CLMN: variants seen among roughly 807,000 people sequenced by gnomAD.
CLMN encodes calmin, also known as calmin (calponin-like, transmembrane).
Under a neutral mutation model 92.7 loss-of-function variants are expected in CLMN, and 57 were observed. That is an observed-to-expected ratio of 0.61 (90% CI 0.50 to 0.77). The LOEUF (loss-of-function observed/expected upper bound fraction) is 0.77, where lower values mean the gene tolerates loss of function less well. Ranked by LOEUF, CLMN falls within the 30% of genes least tolerant of loss-of-function variation. CLMN has a pLI of 0.00. For synonymous variants in CLMN, 466 were observed against 470.6 expected, an observed-to-expected ratio of 0.99 and a Z score of 0.13; for missense variants, 1,158 against 1,237.5, an observed-to-expected ratio of 0.94 and a Z score of 0.96.
chr14:95,315,018 C>T (rs941831921), intron 1 of CLMN, among the ~76,000 whole-genome samples: 11 of 152,194 alleles, frequency 7.2e-5, no homozygotes, highest in African/African-American at 2.4e-4. Context: ...GGCTCCATCC[C>T]TTCTCTGGCT....
rs1896631676 is a variant in CLMN at position 95,194,091 on chromosome 14, A to G, written c.2770-172T>C. On this transcript the variant is annotated intron_variant, in intron 11 of 12. Coordinates refer to ENST00000298912, the MANE Select transcript of CLMN (RefSeq NM_024734.4). The surrounding 1 kb of genome is among the most constrained non-coding windows in gnomAD (Gnocchi z 4.0). Reference sequence around the variant, plus strand: ...AGTGCTAAACAATATACATTCCTCTACCTCCTCCCCTAAGCCCCTCCCTTG... The same window carrying G: ...AGTGCTAAACAATATACATTCCTCTGCCTCCTCCCCTAAGCCCCTCCCTTG... 7.0e-7 allele frequency: 1 copy of G among 1,428,252 alleles called. No individual in the cohort carries two copies. The highest frequency in any genetic ancestry group is 1.4e-5 in the African/African-American group (1 of 69,452). The allele number at this position is 1,428,252 out of a possible 1,614,324, so 88.5% of individuals were successfully genotyped here.
intron 1 of CLMN, among the ~76,000 whole-genome samples, chr14:95,315,433 C>T (rs558175216): frequency 1.1e-3 from 165 of 152,264 alleles, no homozygotes; most frequent in Middle Eastern, 0.01. Flanking sequence ...ACAACATGCT[C>T]GAGTGGCTGG....
chr14:95,307,539 C>T (rs1901337382), intron 1 of CLMN: 1 of 152,328 alleles, frequency 6.6e-6, no homozygotes, highest in South Asian at 2.1e-4. Context: ...TGTCTCTGTC[C>T]CCTACGGGTC....
chr14:95,191,440 G>A lies in CLMN; in HGVS notation c.*124C>T, dbSNP rs1896557732. The A allele has an allele frequency of 1.7e-6, 1 of 586,584 alleles. No homozygotes were observed. The highest frequency in any genetic ancestry group is 3.6e-5 in the Admixed American group (1 of 27,824). The allele number at this position is 586,584 out of a possible 1,614,324, so 36.3% of individuals were successfully genotyped here. A position where few individuals can be genotyped will look rare whatever the true frequency, so the allele number is the denominator to read the frequency against. On this transcript the variant is annotated 3_prime_UTR_variant, in exon 13 of 13. Transcript: ENST00000298912. This position sits in a 1 kb window ranked among gnomAD's most constrained non-coding sequence, Gnocchi z 5.3. ...AAAAAAACCACAATAGCGAGAAAGG[G>A]GGTCTAAGTTTCCTCGGAGGTCCTC...
intron 1 of CLMN, among the ~76,000 whole-genome samples, chr14:95,289,594 A>C (rs1289540591): frequency 6.6e-6 from 1 of 152,194 alleles, no homozygotes; most frequent in African/African-American, 2.4e-5. Context: ...TAAAAGGAGA[A>C]AAGGGTTGAT....
intron 1 of CLMN, among the ~76,000 whole-genome samples, chr14:95,267,601 A>T (rs1899526253): frequency 6.6e-6 from 1 of 152,206 alleles, no homozygotes; most frequent in African/African-American, 2.4e-5. Flanking sequence ...AAATTAACAC[A>T]GCCACTATGA....
At position 95,190,707 on chromosome 14, in the gene CLMN, G is replaced by A. The variant is rs1896539892; in HGVS notation, c.*857C>T. The A allele has an allele frequency of 6.6e-6, 1 of 152,298 alleles. No homozygotes were observed. Among genetic ancestry groups the A allele is most frequent in the South Asian group, 2.1e-4 (1 of 4,826 alleles). The allele number at this position is 152,298 out of a possible 1,614,324, so 9.4% of individuals were successfully genotyped here. ...CATTCTGAGGGAGGTGTGCACCAAA[G>A]CTTTAGTGGGCAGGAAGCTACCCCA... is the stretch of plus-strand genomic sequence containing the variant. On this transcript the variant is annotated 3_prime_UTR_variant, in exon 13 of 13. Coordinates refer to ENST00000298912, the MANE Select transcript of CLMN (RefSeq NM_024734.4).
intron 1 of CLMN, among the ~76,000 whole-genome samples, chr14:95,261,623 ACT>A (rs1899259222): frequency 6.6e-6 from 1 of 152,178 alleles, no homozygotes; most frequent in Admixed American, 6.5e-5. Flanking sequence ...ATGAGCAGTC[ACT>A]CTCAGCAGTG....
rs552554891 is a variant in CLMN at position 95,273,674 on chromosome 14, C to A, written c.83-43541G>T. On this transcript the variant is annotated intron_variant, in intron 1 of 12. Transcript: ENST00000298912. Reference sequence around the variant, plus strand: ...GAATTTAATAACCTTGGGTATCTTACCCCCGCCATTAGGGGAGGTGAAGAA... The same window carrying A: ...GAATTTAATAACCTTGGGTATCTTAACCCCGCCATTAGGGGAGGTGAAGAA... Among the ~76,000 whole-genome samples the A allele has an allele frequency of 6.6e-5, 10 of 152,272 alleles. No homozygotes were observed. In the South Asian group the frequency reaches 8.3e-4, roughly 13 times the overall value.
chr14:95,314,774 A>G (rs1287912361), intron 1 of CLMN, among the ~76,000 whole-genome samples: 1 of 152,210 alleles, frequency 6.6e-6, no homozygotes, highest in Non-Finnish European at 1.5e-5. Flanking sequence ...TGTAATCAGG[A>G]GTGAACTCAA....
chr14:95,200,372 C>G (rs1446225770), intron 9 of CLMN, among the ~76,000 whole-genome samples: 1 of 152,164 alleles, frequency 6.6e-6, no homozygotes, highest in Non-Finnish European at 1.5e-5. Flanking sequence ...CTTTTTTTAT[C>G]TTCCTGGCAG....
intron 1 of CLMN, among the ~76,000 whole-genome samples, chr14:95,266,303 A>G (rs144185477): frequency 1.3e-5 from 2 of 152,366 alleles, no homozygotes; most frequent in African/African-American, 2.4e-5. Context: ...TTGCATTTAG[A>G]AAAACCTAAA....
chr14:95,289,945 AC>A (rs1900500001), intron 1 of CLMN, among the ~76,000 whole-genome samples: 1 of 152,226 alleles, frequency 6.6e-6, no homozygotes, highest in East Asian at 1.9e-4. Flanking sequence ...GCCACCTAAG[AC>A]AGGTTTAAAG....
chr14:95,261,654 G>T (rs1899260148), intron 1 of CLMN, among the ~76,000 whole-genome samples: 1 of 152,234 alleles, frequency 6.6e-6, no homozygotes. Flanking sequence ...CAGTTTTAGA[G>T]GACCTGTGCC....
intron 1 of CLMN, among the ~76,000 whole-genome samples, chr14:95,234,872 G>T (rs1454819120): frequency 6.6e-6 from 1 of 152,228 alleles, no homozygotes; most frequent in East Asian, 1.9e-4. Context: ...CGCATTAGGA[G>T]TTAAAATGTT....
intron 8 of CLMN, 24 bp from the exon 9 acceptor site, chr14:95,204,487 CA>C: frequency 6.6e-7 from 1 of 1,520,228 alleles, no homozygotes; most frequent in Non-Finnish European, 8.8e-7. Flanking sequence ...CAAAAACAAA[CA>C]AACAAAAAAA....
intron 1 of CLMN, among the ~76,000 whole-genome samples, chr14:95,232,599 A>C (rs1271535812): frequency 1.3e-5 from 2 of 152,224 alleles, no homozygotes; most frequent in African/African-American, 2.4e-5. Flanking sequence ...GCTAATAGGC[A>C]TAAGAATTAA....
intron 1 of CLMN, among the ~76,000 whole-genome samples, chr14:95,292,804 G>A (rs66519953): frequency 0.37 from 56,254 of 151,844 alleles, 10,708 homozygotes; most frequent in East Asian, 0.61. Flanking sequence ...AGCTCAGGGA[G>A]GGCGAGATGA....
chr14:95,215,841 G>A (rs985779327), intron 4 of CLMN, 108 bp from the exon 5 acceptor site: 12 of 716,992 alleles, frequency 1.7e-5, no homozygotes, highest in African/African-American at 7.1e-5. Context: ...GTGTGTGTGT[G>A]TGTGTGTGTG....
Sources: gnomAD v4.1 joint callset for allele counts (sites outside exome capture counted in the v4.1 genomes callset) on GRCh38, gnomAD v4.1.1 for gene constraint, Gnocchi (gnomAD v3.1) non-coding constraint, MANE v1.5 for transcripts, NCBI Gene and HGNC (gene_info 2026-07-23, HGNC 2026-07-21) for gene names.